OPCML: variants seen among roughly 807,000 people sequenced by gnomAD.
OPCML encodes the protein opioid-binding protein/cell adhesion molecule.
Under a neutral mutation model 37.8 loss-of-function variants are expected in OPCML, and 13 were observed. That is an observed-to-expected ratio of 0.34 (90% CI 0.22 to 0.55). OPCML has a LOEUF of 0.55. Ranked by LOEUF, OPCML falls within the 20% of genes least tolerant of loss-of-function variation. OPCML has a pLI of 0.91. For synonymous variants in OPCML, 176 were observed against 168.8 expected (o/e 1.04, Z -0.33); for missense variants, 341 against 435.6 (o/e 0.78, Z 1.93).
intron 2 of OPCML, among the ~76,000 whole-genome samples, chr11:132,806,223 A>T (rs926394703): frequency 6.6e-6 from 1 of 152,166 alleles, no homozygotes; most frequent in Admixed American, 6.5e-5. Flanking sequence ...ATACAAACAA[A>T]AAACCAAATT....
chr11:132,640,553 A>C (rs1055438030), intron 3 of OPCML, among the ~76,000 whole-genome samples: 6 of 152,220 alleles, frequency 3.9e-5, no homozygotes, highest in African/African-American at 1.4e-4. Context: ...TACTCATTAC[A>C]TGCCAGACGC....
chr11:132,756,815 T>C (rs1247034915), intron 2 of OPCML, among the ~76,000 whole-genome samples: 1 of 152,164 alleles, frequency 6.6e-6, no homozygotes, highest in Non-Finnish European at 1.5e-5. Flanking sequence ...AGTTCTGGGA[T>C]ACATGTGCAG....
chr11:133,193,332 G>C (rs1019043160), intron 1 of OPCML, among the ~76,000 whole-genome samples: 2 of 152,162 alleles, frequency 1.3e-5, no homozygotes, highest in African/African-American at 4.8e-5. Flanking sequence ...CTCCCGCAAA[G>C]AACTGAGCTG....
At chr11:132,650,676 C>A (rs768114513) in intron 3 of OPCML, among the ~76,000 whole-genome samples, 4 of 152,108 alleles carry the variant, frequency 2.6e-5, no homozygotes, top group Non-Finnish European at 5.9e-5. Flanking sequence ...CTGAATTCTA[C>A]TCTTCACCCC....
chr11:133,284,364 A>G (rs1462468503), intron 1 of OPCML, among the ~76,000 whole-genome samples: 1 of 152,254 alleles, frequency 6.6e-6, no homozygotes, highest in Admixed American at 6.5e-5. Flanking sequence ...GGCAGCGGAC[A>G]CTGAAAATGT....
chr11:132,466,351 G>C (rs1180712210), intron 4 of OPCML, among the ~76,000 whole-genome samples: 1 of 151,634 alleles, frequency 6.6e-6, no homozygotes, highest in African/African-American at 2.4e-5. Flanking sequence ...AGGTGTGGTG[G>C]CGGGCGCCTG....
chr11:133,324,371 A>G (rs1943403070), intron 1 of OPCML, among the ~76,000 whole-genome samples: 1 of 152,200 alleles, frequency 6.6e-6, no homozygotes, highest in Non-Finnish European at 1.5e-5. Context: ...ATGGCATGCC[A>G]CCACTCTGTA....
intron 1 of OPCML, chr11:133,117,785 T>C (rs980541392): frequency 5.4e-5 from 53 of 982,640 alleles, no homozygotes; most frequent in Non-Finnish European, 5.8e-5. Context: ...CAAGAGAAAG[T>C]GCTTAGATCA....
intron 1 of OPCML, among the ~76,000 whole-genome samples, chr11:133,346,655 T>C (rs886590398): frequency 2.6e-5 from 4 of 152,246 alleles, no homozygotes; most frequent in African/African-American, 7.2e-5. Context: ...CAAGTAAGCT[T>C]TAAAGAAAAT....
intron 3 of OPCML, among the ~76,000 whole-genome samples, chr11:132,618,954 TACACACACACACACACACACACACACAC>T (rs6144570): frequency 2.8e-5 from 4 of 145,446 alleles, no homozygotes; most frequent in South Asian, 2.2e-4. Context: ...AGCACACGCA[TACACACACACACACACACACACACACAC>T]ACACACACAC....
chr11:133,507,724 C>T (rs1591579396), intron 1 of OPCML, among the ~76,000 whole-genome samples: 1 of 152,096 alleles, frequency 6.6e-6, no homozygotes, highest in Non-Finnish European at 1.5e-5. Context: ...GCGGGCGGAC[C>T]ACCTGAGGTC....
Position 133,177,978 on chromosome 11 carries a change from T to G in OPCML, c.62-234968A>C, listed in dbSNP as rs1265628596. 3.3e-5 allele frequency among the ~76,000 whole-genome samples: 5 copies of G among 152,062 alleles called. No individual in the cohort carries two copies. The highest frequency in any genetic ancestry group is 1.2e-4 in the African/African-American group (5 of 41,406). On this transcript the variant is annotated intron_variant, in intron 1 of 7. Coordinates refer to ENST00000524381, the MANE Select transcript of OPCML (RefSeq NM_001012393.5). The surrounding 1 kb of genome is among the most constrained non-coding windows in gnomAD (Gnocchi z 5.0). The stretch of plus-strand genomic sequence containing the variant: ...GAGCTGGCAGGAGGCAATCCCAAGG[T>G]TTAAGGCAGAATTATGATAGTTTTG...
chr11:132,861,410 A>G (rs1244757885), intron 2 of OPCML, among the ~76,000 whole-genome samples: 3 of 152,262 alleles, frequency 2.0e-5, no homozygotes, highest in South Asian at 2.1e-4. Context: ...ATTCAAAATA[A>G]TTATGTATTC....
intron 2 of OPCML, among the ~76,000 whole-genome samples, chr11:132,749,083 C>T (rs1945745491): frequency 6.6e-6 from 1 of 152,080 alleles, no homozygotes; most frequent in Non-Finnish European, 1.5e-5. Context: ...GGGTGGAGCC[C>T]TCATGAATGG....
At chr11:133,276,218 C>T (rs1941989118) in intron 1 of OPCML, among the ~76,000 whole-genome samples, 1 of 152,048 alleles carries the variant, frequency 6.6e-6, no homozygotes, top group Non-Finnish European at 1.5e-5. Context: ...TTTCTTTCTT[C>T]TTTATAAAGA....
At chr11:132,557,321 C>G (rs1321728071) in intron 3 of OPCML, among the ~76,000 whole-genome samples, 1 of 152,138 alleles carries the variant, frequency 6.6e-6, no homozygotes, top group African/African-American at 2.4e-5. Flanking sequence ...GGTATCACGT[C>G]CCTTAGAAAT....
At chr11:133,459,745 A>C (rs942099041) in intron 1 of OPCML, among the ~76,000 whole-genome samples, 3 of 152,062 alleles carry the variant, frequency 2.0e-5, no homozygotes, top group African/African-American at 7.2e-5. Context: ...AAAGAATTGG[A>C]AGGAGAAATA....
intron 1 of OPCML, among the ~76,000 whole-genome samples, chr11:133,048,855 A>C (rs1948073547): frequency 6.6e-6 from 1 of 152,346 alleles, no homozygotes; most frequent in East Asian, 1.9e-4. Context: ...CACTGTACAT[A>C]ATGTGCATTT....
chr11:133,209,716 T>C (rs978289580), intron 1 of OPCML, among the ~76,000 whole-genome samples: 3 of 152,124 alleles, frequency 2.0e-5, no homozygotes, highest in African/African-American at 7.2e-5. Flanking sequence ...AATGAATACA[T>C]GGGTGGATGA....
Sources: gnomAD v4.1 joint callset for allele counts (sites outside exome capture counted in the v4.1 genomes callset) on GRCh38, gnomAD v4.1.1 for gene constraint, Gnocchi (gnomAD v3.1) non-coding constraint, MANE v1.5 for transcripts, NCBI Gene and HGNC (gene_info 2026-07-23, HGNC 2026-07-21) for gene names.